The following GALK2 variants were observed in gnomAD, a reference collection of about 807,000 sequenced individuals.
The protein encoded by GALK2 is galactokinase 2, also known as N-acetylgalactosamine kinase.
In GALK2, 36 loss-of-function variants were observed where a neutral mutation model predicts 52.4. The ratio of observed to expected loss-of-function variants is 0.69; its 90% CI spans 0.53 to 0.91. The LOEUF (loss-of-function observed/expected upper bound fraction) is 0.91, where lower values mean the gene tolerates loss of function less well. GALK2 is among the 40% of genes least tolerant of loss of function. The probability of loss-of-function intolerance (pLI) is 0.00; values close to 1 mark genes in which losing one functional copy is unlikely to be tolerated. For synonymous variants in GALK2, 176 were observed against 199.1 expected (o/e 0.88, Z 0.98); for missense variants, 579 against 559.1 (o/e 1.04, Z -0.36).
intron 8 of GALK2, among the ~76,000 whole-genome samples, chr15:49,294,715 A>C (rs1401278240): frequency 2.0e-5 from 3 of 152,214 alleles, no homozygotes; most frequent in Non-Finnish European, 4.4e-5. Context: ...AGAGTGCCAT[A>C]CAACAATCAC....
intron 9 of GALK2, among the ~76,000 whole-genome samples, chr15:49,321,692 G>A (rs1007860140): frequency 3.3e-5 from 5 of 152,186 alleles, no homozygotes. Flanking sequence ...TTTCACATAT[G>A]AGTTCATTGG....
intron 2 of GALK2, among the ~76,000 whole-genome samples, chr15:49,205,544 A>T (rs869270341): frequency 6.6e-6 from 1 of 152,112 alleles, no homozygotes; most frequent in Non-Finnish European, 1.5e-5. Flanking sequence ...AGAATTGTCT[A>T]TTCGTGTCCT....
intron 1 of GALK2, chr15:49,177,725 GC>G: frequency 1.3e-6 from 1 of 782,194 alleles, no homozygotes; most frequent in African/African-American, 1.8e-5. Flanking sequence ...GCAGATGTCA[GC>G]CCATGCATCA....
chr15:49,241,564 T>G (rs549454931), intron 5 of GALK2, among the ~76,000 whole-genome samples: 1 of 152,280 alleles, frequency 6.6e-6, no homozygotes, highest in South Asian at 2.1e-4. Context: ...ACAAAGAAGT[T>G]GTACAAAACT....
At chr15:49,356,216 A>G (rs1555451353) in intron 3 of GALK2, among the ~76,000 whole-genome samples, 1 of 152,190 alleles carries the variant, frequency 6.6e-6, no homozygotes, top group Non-Finnish European at 1.5e-5. Context: ...CATCATAATG[A>G]CAGGATCAAA....
intron 1 of GALK2, among the ~76,000 whole-genome samples, chr15:49,183,706 G>T (rs1292705797): frequency 6.6e-6 from 1 of 152,140 alleles, no homozygotes; most frequent in East Asian, 1.9e-4. Flanking sequence ...AGCCAGGCGT[G>T]GTGGCACATG....
downstream of GALK2, among the ~76,000 whole-genome samples, chr15:49,332,047 A>G (rs1289621274): frequency 3.9e-5 from 6 of 151,924 alleles, no homozygotes; most frequent in Non-Finnish European, 8.8e-5. Flanking sequence ...ACAGGCTGAG[A>G]TAGGTTCAGA....
intron 8 of GALK2, among the ~76,000 whole-genome samples, chr15:49,296,714 C>T (rs2141843033): frequency 6.6e-6 from 1 of 152,216 alleles, no homozygotes; most frequent in South Asian, 2.1e-4. Context: ...ATTCTCCTGC[C>T]ACAGCCTCCC....
At chr15:49,283,753 G>C in intron 7 of GALK2, 35 bp downstream of exon 7, 7 of 1,603,924 alleles carry the variant, frequency 4.4e-6, no homozygotes, top group Non-Finnish European at 6.0e-6. Flanking sequence ...ACTTGAAGTA[G>C]GGTTTTTCTT....
At chr15:49,341,681 T>A (rs2040752573) in intron 3 of GALK2, among the ~76,000 whole-genome samples, 1 of 152,214 alleles carries the variant, frequency 6.6e-6, no homozygotes, top group Non-Finnish European at 1.5e-5. Context: ...GAGGTAAGCA[T>A]TAGTGCTATA....
chr15:49,351,722 C>T (rs6493363), intron 3 of GALK2, among the ~76,000 whole-genome samples: 100,431 of 151,904 alleles, frequency 0.66, 33,716 homozygotes, highest in African/African-American at 0.74. Context: ...AAAGTTGAAC[C>T]CTGATAACAG....
At chr15:49,156,555 C>T in intron 1 of GALK2, 1 of 520,060 alleles carries the variant, frequency 1.9e-6, no homozygotes, top group Non-Finnish European at 3.8e-6. Context: ...CCTGTGTCTT[C>T]CGTGCAGCTG....
chr15:49,337,234 G>A (rs542223392), intron 3 of GALK2, among the ~76,000 whole-genome samples: 16 of 152,248 alleles, frequency 1.1e-4, no homozygotes, highest in African/African-American at 3.1e-4. Flanking sequence ...TGGGTTGAAC[G>A]GTAGTTCTGT....
chr15:49,244,682 G>T (rs904891321), intron 5 of GALK2, among the ~76,000 whole-genome samples: 1 of 152,146 alleles, frequency 6.6e-6, no homozygotes, highest in African/African-American at 2.4e-5. Flanking sequence ...ACTAGGAAAT[G>T]AGAAATCCAA....
rs544758726 is a variant in GALK2 at position 49,254,472 on chromosome 15, G to A, written c.504+15105G>A. 8.5e-4 allele frequency among the ~76,000 whole-genome samples: 123 copies of A among 144,068 alleles called. 9 individuals carry two copies. The highest frequency in any genetic ancestry group is 2.9e-3 in the African/African-American group (119 of 40,424). 94.5% of individuals were successfully genotyped at this position (144,068 alleles called of 152,430 possible). A position where few individuals can be genotyped will look rare whatever the true frequency, so the allele number is the denominator to read the frequency against. ...CTAAGCAATCAGGACTCTTTATGCT[G>A]TCAAGACCTTTTCATTGTAATGAAA... is the stretch of plus-strand genomic sequence containing the variant. On this transcript the variant is annotated intron_variant, in intron 5 of 9. Transcript: ENST00000560031.
intron 5 of GALK2, among the ~76,000 whole-genome samples, chr15:49,271,310 C>T (rs2030563847): frequency 6.6e-6 from 1 of 152,100 alleles, no homozygotes; most frequent in Non-Finnish European, 1.5e-5. Context: ...TTTTTCTCCC[C>T]TCTTCTCCTC....
intron 5 of GALK2, among the ~76,000 whole-genome samples, chr15:49,260,719 A>C (rs1335739792): frequency 6.6e-6 from 1 of 151,860 alleles, no homozygotes; most frequent in African/African-American, 2.4e-5. Context: ...TTAAGTCTTT[A>C]ATCCATCTTG....
chr15:49,173,426 A>C (rs865781261), intron 1 of GALK2, among the ~76,000 whole-genome samples: 1 of 152,202 alleles, frequency 6.6e-6, no homozygotes. Flanking sequence ...GGTGACACTG[A>C]ATACATTTTT....
intron 8 of GALK2, among the ~76,000 whole-genome samples, chr15:49,317,888 A>G (rs1375135336): frequency 6.6e-6 from 1 of 152,116 alleles, no homozygotes; most frequent in Non-Finnish European, 1.5e-5. Context: ...AAAGGGGAAC[A>G]ACACATACTG....
Sources: allele counts gnomAD v4.1 joint callset (sites outside exome capture counted in the v4.1 genomes callset), GRCh38; gene constraint gnomAD v4.1.1; transcripts MANE v1.5; gene names NCBI Gene and HGNC (gene_info 2026-07-23, HGNC 2026-07-21).